The following FOXP1 variants were observed in gnomAD, a reference collection of about 807,000 sequenced individuals.
FOXP1 encodes forkhead box protein P1.
A neutral mutation model predicts 98.2 loss-of-function variants in FOXP1; 15 were observed. The observed-to-expected ratio is 0.15, with a 90% CI of 0.10 to 0.24. The LOEUF (loss-of-function observed/expected upper bound fraction) is 0.24. Among genes scored for constraint, FOXP1 ranks in the 10% least tolerant of loss-of-function variants. FOXP1 has a pLI of 1.00. For missense variants in FOXP1, 633 were observed against 848.5 expected (o/e 0.75, Z 3.15); for synonymous variants, 371 against 314.5 (o/e 1.18, Z -1.90).
intron 2 of FOXP1, among the ~76,000 whole-genome samples, chr3:71,532,015 C>T (rs1012748966): frequency 1.3e-5 from 2 of 152,226 alleles, no homozygotes; most frequent in Admixed American, 1.3e-4. Flanking sequence ...AATCTCAAGT[C>T]CTACAGGCTT....
chr3:71,525,396 A>T (rs966306743), intron 2 of FOXP1, among the ~76,000 whole-genome samples: 2 of 152,266 alleles, frequency 1.3e-5, no homozygotes, highest in Non-Finnish European at 2.9e-5. Flanking sequence ...GACGAAAAAA[A>T]GGCAGTGGTT....
rs11386859 is a variant in FOXP1 at position 71,171,098 on chromosome 3, CT to C, written c.180+27103del. Among the ~76,000 whole-genome samples the C allele has an allele frequency of 3.3e-3, 479 of 145,150 alleles. 2 individuals are homozygous for C. Among genetic ancestry groups the C allele is most frequent in the African/African-American group, 8.5e-3 (337 of 39,628 alleles). ...ATCCATTCATACAAATACACACTCA[CT>C]TTTTTTTTTTTTTAATTTAAATAAT... On this transcript the variant is annotated intron_variant, in intron 6 of 20. Coordinates refer to ENST00000649528, the MANE Select transcript of FOXP1 (RefSeq NM_001349338.3).
At chr3:70,995,829 A>G (rs2041280088) in intron 13 of FOXP1, among the ~76,000 whole-genome samples, 1 of 152,188 alleles carries the variant, frequency 6.6e-6, no homozygotes, top group South Asian at 2.1e-4. Context: ...CCTGTTAACA[A>G]GCTCTACATA....
chr3:71,211,538 ACT>A lies in FOXP1; in HGVS notation c.-11-13148_-11-13147del, dbSNP rs2064465882. On this transcript the variant is annotated intron_variant, in intron 5 of 20. Coordinates refer to ENST00000649528, the MANE Select transcript of FOXP1 (RefSeq NM_001349338.3). ...AGTTTTACTTCTATGTACCCAGTTT[ACT>A]TATTTTATTCCCCATGAATCCCAAA... 1.1e-4 allele frequency among the ~76,000 whole-genome samples: 17 copies of A among 152,286 alleles called. No individual in the cohort carries two copies. The South Asian group carries it at 3.5e-3, about 32-fold the overall frequency.
At chr3:71,175,920 T>G (rs1180176318) in intron 6 of FOXP1, among the ~76,000 whole-genome samples, 1 of 152,152 alleles carries the variant, frequency 6.6e-6, no homozygotes, top group Non-Finnish European at 1.5e-5. Context: ...GAACACAAAA[T>G]ACCACTCAGG....
chr3:71,117,353 T>C (rs957156164), intron 6 of FOXP1, among the ~76,000 whole-genome samples: 1 of 152,178 alleles, frequency 6.6e-6, no homozygotes, highest in African/African-American at 2.4e-5. Context: ...TCTCAAAGGG[T>C]TGGGATTACA....
At chr3:71,147,419 C>T (rs1411622402) in intron 6 of FOXP1, among the ~76,000 whole-genome samples, 1 of 152,168 alleles carries the variant, frequency 6.6e-6, no homozygotes, top group Non-Finnish European at 1.5e-5. Context: ...TGATCCCCTT[C>T]CCTCTCAGGG....
chr3:71,032,218 C>T (rs935662254), intron 11 of FOXP1, among the ~76,000 whole-genome samples: 1 of 152,224 alleles, frequency 6.6e-6, no homozygotes. Context: ...AAACTCTTGG[C>T]GACATGTGCC....
intron 4 of FOXP1, among the ~76,000 whole-genome samples, chr3:71,302,074 T>G (rs1323577031): frequency 1.3e-5 from 2 of 152,368 alleles, no homozygotes; most frequent in African/African-American, 2.4e-5. Flanking sequence ...TGAAGTTCCA[T>G]AAATTTTGGT....
At chr3:71,581,963 G>A (rs965071360) in intron 1 of FOXP1, 3 of 971,724 alleles carry the variant, frequency 3.1e-6, no homozygotes, top group East Asian at 1.1e-4. Flanking sequence ...CAAAAAGGAG[G>A]GGGGAGGAAT....
intron 2 of FOXP1, among the ~76,000 whole-genome samples, chr3:71,551,312 T>C (rs1324078024): frequency 6.6e-6 from 1 of 152,234 alleles, no homozygotes; most frequent in African/African-American, 2.4e-5. Flanking sequence ...TTACAGGATA[T>C]TTCTACTTGT....
chr3:71,570,820 G>C (rs943957786), intron 2 of FOXP1: 1 of 152,176 alleles, frequency 6.6e-6, no homozygotes, highest in African/African-American at 2.4e-5. Flanking sequence ...CCTTACCATA[G>C]AGAAGGCCAC....
chr3:71,573,334 A>G (rs973663571), intron 2 of FOXP1, among the ~76,000 whole-genome samples: 3 of 152,026 alleles, frequency 2.0e-5, no homozygotes, highest in African/African-American at 7.2e-5. Context: ...CCAGGTGGAG[A>G]GTCCCTCCGT....
chr3:71,046,263 T>C (rs2049022248), intron 10 of FOXP1, among the ~76,000 whole-genome samples: 1 of 152,172 alleles, frequency 6.6e-6, no homozygotes, highest in South Asian at 2.1e-4. Context: ...TGGGATAAAA[T>C]GTCAGTGGGC....
chr3:71,178,115 G>A (rs543461393), intron 6 of FOXP1, among the ~76,000 whole-genome samples: 7 of 149,340 alleles, frequency 4.7e-5, no homozygotes, highest in African/African-American at 1.7e-4. Flanking sequence ...ATTTACAGGT[G>A]TGAGCCACCA....
intron 3 of FOXP1, among the ~76,000 whole-genome samples, chr3:71,444,650 G>T (rs1018816380): frequency 1.3e-5 from 2 of 152,168 alleles, no homozygotes; most frequent in Non-Finnish European, 2.9e-5. Flanking sequence ...CCTGCCAGCT[G>T]CCTGGAATTG....
chr3:71,244,543 C>T (rs1031692550), intron 5 of FOXP1, among the ~76,000 whole-genome samples: 2 of 150,806 alleles, frequency 1.3e-5, no homozygotes, highest in Admixed American at 6.6e-5. Context: ...AAAAGAAATA[C>T]GCCCAAGTAG....
At chr3:71,283,483 G>C (rs2071781512) in intron 5 of FOXP1, among the ~76,000 whole-genome samples, 1 of 152,184 alleles carries the variant, frequency 6.6e-6, no homozygotes, top group African/African-American at 2.4e-5. Context: ...AGCTTCTTGG[G>C]CTGGAGAGGA....
intron 14 of FOXP1, among the ~76,000 whole-genome samples, chr3:70,983,066 G>A (rs1325623089): frequency 2.0e-5 from 3 of 152,182 alleles, no homozygotes; most frequent in South Asian, 4.1e-4. Flanking sequence ...GTTCAGAGAC[G>A]GCCTTTCTGA....
Sources: gnomAD v4.1 joint callset for allele counts (sites outside exome capture counted in the v4.1 genomes callset) on GRCh38, gnomAD v4.1.1 for gene constraint, MANE v1.5 for transcripts, NCBI Gene and HGNC (gene_info 2026-07-23, HGNC 2026-07-21) for gene names.